MAML2: variants seen among roughly 807,000 people sequenced by gnomAD.
MAML2 encodes the protein mastermind like transcriptional coactivator 2.
Under a neutral mutation model 96.1 loss-of-function variants are expected in MAML2, and 22 were observed. The observed-to-expected ratio is 0.23, with a 90% CI of 0.16 to 0.33. MAML2 has a LOEUF of 0.33. Among genes scored for constraint, MAML2 ranks in the 10% least tolerant of loss-of-function variants. MAML2 has a pLI of 1.00. For synonymous variants in MAML2, 561 were observed against 521.3 expected, an observed-to-expected ratio of 1.08 and a Z score of -1.04; for missense variants, 1,367 against 1,392.4, an observed-to-expected ratio of 0.98 and a Z score of 0.29.
intron 2 of MAML2, among the ~76,000 whole-genome samples, chr11:96,080,317 A>G (rs1859511440): frequency 6.6e-6 from 1 of 152,226 alleles, no homozygotes; most frequent in Non-Finnish European, 1.5e-5. Flanking sequence ...AGAAGCAACT[A>G]AAAATGATGA....
chr11:96,182,289 A>G (rs1254726046), intron 1 of MAML2, among the ~76,000 whole-genome samples: 1 of 152,240 alleles, frequency 6.6e-6, no homozygotes, highest in Non-Finnish European at 1.5e-5. Context: ...AACCAACTAT[A>G]TGAAATTTTA....
chr11:96,251,763 ACTCT>A (rs1862585083), intron 1 of MAML2, among the ~76,000 whole-genome samples: 1 of 144,536 alleles, frequency 6.9e-6, no homozygotes, highest in East Asian at 2.0e-4. Flanking sequence ...ACGGAGTCTC[ACTCT>A]GTCACCCAGG....
intron 1 of MAML2, among the ~76,000 whole-genome samples, chr11:96,134,464 T>A (rs7941677): frequency 0.59 from 90,075 of 152,068 alleles, 27,338 homozygotes; most frequent in East Asian, 0.93. Flanking sequence ...CATTAGTGAG[T>A]ACTTCAGGAT....
At position 96,171,020 on chromosome 11, in the gene MAML2, CT is replaced by C. The variant is rs879407774; in HGVS notation, c.514-77504del. Among the ~76,000 whole-genome samples, 673 of 146,144 alleles carry C rather than the reference CT, an allele frequency of 4.6e-3. 1 individual carries two copies. Among genetic ancestry groups the C allele is most frequent in the African/African-American group, 7.9e-3 (319 of 40,292 alleles). Reference sequence around the variant, plus strand: ...CGTGAGCCAACGTGCCTGGCCTCTACTTTTTTTTTTTTTAAACTACTGGTTG... The same window carrying C: ...CGTGAGCCAACGTGCCTGGCCTCTACTTTTTTTTTTTTAAACTACTGGTTG... On this transcript the variant is annotated intron_variant, in intron 1 of 4. Coordinates refer to ENST00000524717, the MANE Select transcript of MAML2 (RefSeq NM_032427.4).
intron 2 of MAML2, among the ~76,000 whole-genome samples, chr11:96,076,013 T>G (rs1859428433): frequency 6.6e-6 from 1 of 152,216 alleles, no homozygotes; most frequent in African/African-American, 2.4e-5. Flanking sequence ...CTCCCACATC[T>G]CTACTTTCAG....
intron 1 of MAML2, among the ~76,000 whole-genome samples, chr11:96,156,167 C>A (rs76708731): frequency 0.072 from 10,899 of 152,190 alleles, 564 homozygotes; most frequent in Non-Finnish European, 0.11. Context: ...CTCTCTCCCC[C>A]AACCACACAG....
intron 2 of MAML2, among the ~76,000 whole-genome samples, chr11:96,007,128 G>A (rs1002100899): frequency 4.6e-5 from 7 of 151,334 alleles, no homozygotes; most frequent in African/African-American, 1.7e-4. Context: ...TCAGCCTCCA[G>A]AGTAGCTGGG....
intron 2 of MAML2, among the ~76,000 whole-genome samples, chr11:95,998,849 C>T (rs1332811154): frequency 6.6e-6 from 1 of 152,166 alleles, no homozygotes; most frequent in Admixed American, 6.5e-5. Flanking sequence ...GTTAAAAATG[C>T]TTTCCCCAAT....
chr11:96,129,788 A>C (rs1277936754), intron 1 of MAML2, among the ~76,000 whole-genome samples: 5 of 152,046 alleles, frequency 3.3e-5, no homozygotes, highest in African/African-American at 1.2e-4. Context: ...CTCTGTCCCT[A>C]CTTTTGGAGT....
chr11:96,318,571 C>A (rs907447533), intron 1 of MAML2, among the ~76,000 whole-genome samples: 1 of 152,152 alleles, frequency 6.6e-6, no homozygotes, highest in Non-Finnish European at 1.5e-5. Flanking sequence ...CCTGCTAAGT[C>A]TGGTCAAGGC....
chr11:96,166,568 G>A (rs573382527), intron 1 of MAML2, among the ~76,000 whole-genome samples: 159 of 152,282 alleles, frequency 1.0e-3, no homozygotes, highest in African/African-American at 3.4e-3. Context: ...TGCTGCCACC[G>A]AAGGCTTAAG....
intron 1 of MAML2, among the ~76,000 whole-genome samples, chr11:96,159,785 T>C (rs1193332604): frequency 2.5e-4 from 38 of 152,296 alleles, no homozygotes; most frequent in Admixed American, 2.5e-3. Context: ...AAAGTACAGC[T>C]TACGCTGCCA....
At chr11:96,113,266 T>A (rs1266554582) in intron 1 of MAML2, among the ~76,000 whole-genome samples, 2 of 152,150 alleles carry the variant, frequency 1.3e-5, no homozygotes, top group Admixed American at 1.3e-4. Context: ...GGAAGCATAT[T>A]GTGCCAAAAT....
chr11:96,159,407 C>CTTTTTTTTTTTTTTTTTTTTTTT (rs760811590), intron 1 of MAML2, among the ~76,000 whole-genome samples: 8 of 91,148 alleles, frequency 8.8e-5, no homozygotes, highest in African/African-American at 2.2e-4. Flanking sequence ...ACCACTGATT[C>CTTTTTTTTTTTTTTTTTTTTTTT]TTTTTTTTTT....
At chr11:96,219,826 A>T (rs916565081) in intron 1 of MAML2, among the ~76,000 whole-genome samples, 1 of 152,092 alleles carries the variant, frequency 6.6e-6, no homozygotes, top group African/African-American at 2.4e-5. Context: ...GGGTTTCATC[A>T]TGTTGGTCAG....
At chr11:96,191,630 G>T (rs754406121) in intron 1 of MAML2, among the ~76,000 whole-genome samples, 1 of 151,616 alleles carries the variant, frequency 6.6e-6, no homozygotes, top group Non-Finnish European at 1.5e-5. Context: ...AAATTAGCCG[G>T]GCATGGTGGC....
chr11:96,279,783 G>A (rs1863040445), intron 1 of MAML2, among the ~76,000 whole-genome samples: 1 of 152,190 alleles, frequency 6.6e-6, no homozygotes, highest in Admixed American at 6.5e-5. Flanking sequence ...CCTGAGAGAA[G>A]AGCAGCTGAC....
At chr11:96,016,456 C>T (rs569495737) in intron 2 of MAML2, among the ~76,000 whole-genome samples, 28 of 152,202 alleles carry the variant, frequency 1.8e-4, no homozygotes, top group African/African-American at 5.8e-4. Flanking sequence ...GATTCAACAC[C>T]CTTGCCAGAC....
intron 2 of MAML2, among the ~76,000 whole-genome samples, chr11:96,004,858 C>T (rs1356508712): frequency 6.6e-6 from 1 of 152,132 alleles, no homozygotes; most frequent in Non-Finnish European, 1.5e-5. Context: ...AATGGCGTCT[C>T]CTCCAAAATT....
Sources: allele counts gnomAD v4.1 joint callset (sites outside exome capture counted in the v4.1 genomes callset), GRCh38; gene constraint gnomAD v4.1.1; transcripts MANE v1.5; gene names NCBI Gene and HGNC (gene_info 2026-07-23, HGNC 2026-07-21).